Variants in MIA2 observed in about 807,000 individuals in gnomAD.
MIA2 encodes melanoma inhibitory activity protein 2.
Under a neutral mutation model 167.8 loss-of-function variants are expected in MIA2, and 127 were observed. The ratio of observed to expected loss-of-function variants is 0.76; its 90% CI spans 0.66 to 0.88. MIA2 has a LOEUF of 0.88. Ranked by LOEUF, MIA2 falls within the 40% of genes least tolerant of loss-of-function variation. The probability of loss-of-function intolerance (pLI) is 0.00; values close to 1 mark genes in which losing one functional copy is unlikely to be tolerated. For synonymous variants in MIA2, 552 were observed against 541.9 expected, an observed-to-expected ratio of 1.02 and a Z score of -0.26; for missense variants, 1,690 against 1,624.7, an observed-to-expected ratio of 1.04 and a Z score of -0.69.
chr14:39,267,547 A>G (rs2152681975), intron 6 of MIA2: 2 of 1,611,686 alleles, frequency 1.2e-6, no homozygotes, highest in East Asian at 2.2e-5. Flanking sequence ...GATGAGTGTT[A>G]CGTGGCCCAG....
At chr14:39,358,552 C>T (rs985010298) in intron 23 of MIA2, among the ~76,000 whole-genome samples, 4 of 152,130 alleles carry the variant, frequency 2.6e-5, no homozygotes, top group Admixed American at 1.3e-4. Context: ...TCTCTCAACC[C>T]GTTAAAGTCA....
At chr14:39,365,428 G>T (rs539887803) in intron 23 of MIA2, among the ~76,000 whole-genome samples, 53 of 152,106 alleles carry the variant, frequency 3.5e-4, no homozygotes, top group Non-Finnish European at 6.2e-4. Flanking sequence ...TCAAATATTT[G>T]GTTACACTAT....
rs1230355621 is a variant in MIA2, at chr14:39,322,614, C to G, written c.3496+1558C>G. Among the ~76,000 whole-genome samples the G allele has an allele frequency of 5.4e-5, 7 of 128,850 alleles. No homozygotes were observed. The South Asian group carries it at 1.1e-3, about 20-fold the overall frequency. 84.5% of individuals were successfully genotyped at this position (128,850 alleles called of 152,430 possible). On this transcript the variant is annotated intron_variant, in intron 24 of 28. Coordinates refer to ENST00000640607, the MANE Select transcript of MIA2 (RefSeq NM_001329214.4). Reference sequence around the variant, plus strand: ...TGCTGTTACCCCCTTATAGGTACCTCAGGCCTAATCATTAGCTATTCTACA... The same window carrying G: ...TGCTGTTACCCCCTTATAGGTACCTGAGGCCTAATCATTAGCTATTCTACA...
chr14:39,337,094 A>G (rs891221459), intron 25 of MIA2, among the ~76,000 whole-genome samples: 1 of 152,078 alleles, frequency 6.6e-6, no homozygotes, highest in Non-Finnish European at 1.5e-5. Context: ...ATTTCTTTGG[A>G]CCTTATATAT....
intron 26 of MIA2, 112 bp from the exon 27 acceptor site, chr14:39,347,601 T>A (rs1023676643): frequency 1.1e-4 from 110 of 1,008,280 alleles, no homozygotes; most frequent in Admixed American, 2.9e-4. Context: ...GGTGTCCAGC[T>A]GGCTTATGTG....
chr14:39,238,616 G>A (rs1400631339), intron 2 of MIA2, among the ~76,000 whole-genome samples: 6 of 151,730 alleles, frequency 4.0e-5, no homozygotes, highest in South Asian at 2.1e-4. Context: ...ACAACATGGC[G>A]AAACCTCATC....
intron 6 of MIA2, among the ~76,000 whole-genome samples, chr14:39,272,449 G>T (rs189169012): frequency 2.7e-4 from 41 of 152,284 alleles, no homozygotes; most frequent in African/African-American, 9.6e-4. Context: ...AAACAAGAAG[G>T]CAAGTTCTCA....
intron 6 of MIA2, among the ~76,000 whole-genome samples, chr14:39,263,913 T>C (rs1214892448): frequency 6.6e-6 from 1 of 151,992 alleles, no homozygotes; most frequent in African/African-American, 2.4e-5. Context: ...GGATTATAGG[T>C]GTGAGCCAAC....
At chr14:39,372,186 C>A (rs973630011) in intron 23 of MIA2, among the ~76,000 whole-genome samples, 4 of 151,908 alleles carry the variant, frequency 2.6e-5, no homozygotes, top group African/African-American at 7.3e-5. Flanking sequence ...TAGGCAGAAA[C>A]AGTAGGGTCT....
chr14:39,346,652 T>A (rs1367662521), intron 26 of MIA2, among the ~76,000 whole-genome samples: 1 of 146,532 alleles, frequency 6.8e-6, no homozygotes, highest in Non-Finnish European at 1.5e-5. Flanking sequence ...AAAGGACATA[T>A]ATTTATATAT....
chr14:39,337,989 C>T (rs532096118), intron 25 of MIA2, among the ~76,000 whole-genome samples: 3 of 152,290 alleles, frequency 2.0e-5, no homozygotes, highest in South Asian at 4.1e-4. Context: ...TCCCAAAGTG[C>T]TGGGATTACA....
intron 23 of MIA2, among the ~76,000 whole-genome samples, chr14:39,372,064 G>T (rs1054938562): frequency 5.9e-5 from 9 of 152,158 alleles, no homozygotes; most frequent in Admixed American, 2.6e-4. Flanking sequence ...CTTGGCTGGG[G>T]TATGGGATCG....
chr14:39,334,347 C>T (rs1165711105), intron 25 of MIA2, among the ~76,000 whole-genome samples: 17 of 151,826 alleles, frequency 1.1e-4, no homozygotes, highest in African/African-American at 3.6e-4. Flanking sequence ...TGGTGGCAGG[C>T]GCCTGTAATC....
At chr14:39,334,471 C>A (rs549225700) in intron 25 of MIA2, among the ~76,000 whole-genome samples, 2,830 of 143,618 alleles carry the variant, frequency 0.02, 95 homozygotes, top group African/African-American at 0.069. Context: ...GAGACTCTCT[C>A]AAAAAAAAAA....
intron 6 of MIA2, among the ~76,000 whole-genome samples, chr14:39,254,591 C>T (rs1460638796): frequency 6.6e-6 from 1 of 152,126 alleles, no homozygotes; most frequent in Non-Finnish European, 1.5e-5. Flanking sequence ...AAGGTGAGAA[C>T]TGTAGCCAAC....
At chr14:39,279,897 T>C (rs1229999731) in intron 9 of MIA2, among the ~76,000 whole-genome samples, 3 of 152,216 alleles carry the variant, frequency 2.0e-5, no homozygotes, top group Admixed American at 2.0e-4. Flanking sequence ...TATTTTATTT[T>C]GACCACCTCC....
At chr14:39,318,045 T>C (rs772569749) in intron 22 of MIA2, 34 bp downstream of exon 22, 3 of 1,460,250 alleles carry the variant, frequency 2.1e-6, no homozygotes, top group Non-Finnish European at 2.8e-6. Context: ...TAAAATTAGT[T>C]ATTCTGTTAT....
chr14:39,247,947 A>C lies in MIA2; in HGVS notation c.1373A>C (p.Lys458Thr). The C allele has an allele frequency of 6.3e-7, 1 of 1,598,120 alleles. No individual in the cohort carries two copies. The change falls in exon 4 of 29, where the codon AAA becomes ACA. Residue 458 changes from lysine (K) to threonine (T), a missense_variant. Physicochemically the swap from Lys to Thr is moderately conservative, Grantham distance 78 (BLOSUM62 -1). Transcript: ENST00000640607. ...TDESDTIPYL[K>T]KFLYNFDNPW... The stretch of plus-strand genomic sequence containing the variant: ...GAATCTGATACTATACCATATTTGA[A>C]AAAGTTCTTGTATAATTTTGACAAC...
intron 13 of MIA2, among the ~76,000 whole-genome samples, chr14:39,298,441 A>ACATATATATATATATATATATATATATG (rs2061784989): frequency 1.1e-4 from 1 of 8,786 alleles, no homozygotes; most frequent in Non-Finnish European, 2.4e-4. Flanking sequence ...ATATATATAT[A>ACATATATATATATATATATATATATATG]TAAAGATTAG....
Sources: allele counts gnomAD v4.1 joint callset (sites outside exome capture counted in the v4.1 genomes callset), GRCh38; gene constraint gnomAD v4.1.1; transcripts MANE v1.5; gene names NCBI Gene and HGNC (gene_info 2026-07-23, HGNC 2026-07-21).